ERBB4: variants seen among roughly 807,000 people sequenced by gnomAD.
ERBB4 encodes the protein erb-b2 receptor tyrosine kinase 4.
A neutral mutation model predicts 158.0 loss-of-function variants in ERBB4; 42 were observed. The observed-to-expected ratio is 0.27, with a 90% CI of 0.21 to 0.34. ERBB4 has a LOEUF of 0.34. Among genes scored for constraint, ERBB4 ranks in the 10% least tolerant of loss-of-function variants. The pLI is 1.00. For synonymous variants in ERBB4, 583 were observed against 558.7 expected (o/e 1.04, Z -0.61); for missense variants, 1,333 against 1,624.1 (o/e 0.82, Z 3.08).
intron 1 of ERBB4, among the ~76,000 whole-genome samples, chr2:212,229,450 A>G (rs1033424760): frequency 6.6e-6 from 1 of 152,206 alleles, no homozygotes; most frequent in African/African-American, 2.4e-5. Context: ...AGCCTGTTCC[A>G]TTTGAAACAC....
chr2:211,505,141 G>A (rs189540519), intron 20 of ERBB4, among the ~76,000 whole-genome samples: 4 of 152,136 alleles, frequency 2.6e-5, no homozygotes, highest in Admixed American at 6.5e-5. Flanking sequence ...TTACCAAGGT[G>A]TATAGTCATC....
chr2:212,138,431 T>C (rs1521656), intron 1 of ERBB4, among the ~76,000 whole-genome samples: 61,166 of 151,904 alleles, frequency 0.4, 15,041 homozygotes, highest in Non-Finnish European at 0.54. Context: ...TGGAGCAGTA[T>C]CAAGAGTCTG....
chr2:212,140,114 A>G (rs2080403169), intron 1 of ERBB4, among the ~76,000 whole-genome samples: 1 of 151,746 alleles, frequency 6.6e-6, no homozygotes, highest in African/African-American at 2.4e-5. Flanking sequence ...TATAAAATGT[A>G]TTAACTGTTT....
At position 211,830,935 on chromosome 2, in the gene ERBB4, C is replaced by A. The variant is rs1575211309; in HGVS notation, c.422-42776G>T. 2.0e-5 allele frequency among the ~76,000 whole-genome samples: 3 copies of A among 151,796 alleles called. No individual in the cohort carries two copies. The Middle Eastern group carries it at 0.01, about 516-fold the overall frequency. On this transcript the variant is annotated intron_variant, in intron 3 of 27. Coordinates refer to ENST00000342788, the MANE Select transcript of ERBB4 (RefSeq NM_005235.3). The stretch of plus-strand genomic sequence containing the variant: ...GGCATGAGAATCTAATACTGATGGT[C>A]ATATATTCTATAAAACTTAACATAT...
intron 22 of ERBB4, among the ~76,000 whole-genome samples, chr2:211,425,504 T>A (rs997940635): frequency 2.6e-5 from 4 of 152,024 alleles, no homozygotes; most frequent in Non-Finnish European, 4.4e-5. Context: ...TGTTATTACA[T>A]CTTTAATTTT....
intron 1 of ERBB4, among the ~76,000 whole-genome samples, chr2:212,252,423 T>C (rs1293008226): frequency 1.3e-5 from 2 of 152,036 alleles, no homozygotes; most frequent in Non-Finnish European, 2.9e-5. Flanking sequence ...ATGCTGCTGA[T>C]AGATCAACGA....
At chr2:211,587,062 C>A (rs2068303007) in intron 19 of ERBB4, among the ~76,000 whole-genome samples, 1 of 152,030 alleles carries the variant, frequency 6.6e-6, no homozygotes, top group African/African-American at 2.4e-5. Flanking sequence ...AGTGAGGAAC[C>A]ATCTGTAGGT....
At position 211,468,005 on chromosome 2, in the gene ERBB4, G is replaced by A. The variant is rs1367944293; in HGVS notation, c.2488-36905C>T. ...CAAATTTAAAGTGGCTGTTGACAGGGCCAGAAAAGGAGATGGAGATAAATA... is the reference window on the plus strand; with the variant it reads ...CAAATTTAAAGTGGCTGTTGACAGGACCAGAAAAGGAGATGGAGATAAATA... On this transcript the variant is annotated intron_variant, in intron 20 of 27. Coordinates refer to ENST00000342788, the MANE Select transcript of ERBB4 (RefSeq NM_005235.3). Among the ~76,000 whole-genome samples the A allele has an allele frequency of 2.0e-5, 3 of 152,144 alleles. No homozygotes were observed. The South Asian group carries it at 6.2e-4, about 32-fold the overall frequency.
At chr2:212,013,360 A>G (rs1287617288) in intron 2 of ERBB4, among the ~76,000 whole-genome samples, 1 of 152,222 alleles carries the variant, frequency 6.6e-6, no homozygotes, top group Non-Finnish European at 1.5e-5. Context: ...CCAGAAATAC[A>G]GACTTGAAAG....
intron 1 of ERBB4, among the ~76,000 whole-genome samples, chr2:212,140,359 A>G (rs1214890426): frequency 6.8e-6 from 1 of 147,934 alleles, no homozygotes. Context: ...GACATATAAT[A>G]TATATAGTAA....
chr2:212,348,175 A>C (rs1419947307), intron 1 of ERBB4, among the ~76,000 whole-genome samples: 1 of 152,158 alleles, frequency 6.6e-6, no homozygotes, highest in Non-Finnish European at 1.5e-5. Context: ...AACTGAGCTC[A>C]TACCCTCAAG....
At chr2:212,355,953 G>C (rs2089447913) in intron 1 of ERBB4, among the ~76,000 whole-genome samples, 2 of 151,896 alleles carry the variant, frequency 1.3e-5, no homozygotes, top group Admixed American at 6.6e-5. Context: ...AATTTGAAAT[G>C]TGCAGCTCAG....
chr2:212,399,313 G>T (rs1341633258), intron 1 of ERBB4, among the ~76,000 whole-genome samples: 1 of 151,806 alleles, frequency 6.6e-6, no homozygotes, highest in Non-Finnish European at 1.5e-5. Flanking sequence ...AGAAAGAAAT[G>T]ATATGAGGCA....
intron 1 of ERBB4, among the ~76,000 whole-genome samples, chr2:212,513,688 G>A (rs143703315): frequency 0.011 from 1,741 of 152,262 alleles, 15 homozygotes; most frequent in Middle Eastern, 0.041. Context: ...GCCAGCGCCT[G>A]TAGTCCCAGC....
At chr2:211,674,410 C>T (rs529060583) in intron 13 of ERBB4, among the ~76,000 whole-genome samples, 24 of 152,004 alleles carry the variant, frequency 1.6e-4, no homozygotes, top group African/African-American at 4.6e-4. Context: ...TCTTTTCTGC[C>T]GGTTAGTTTA....
chr2:212,156,116 G>C (rs1342754213), intron 1 of ERBB4, among the ~76,000 whole-genome samples: 1 of 152,078 alleles, frequency 6.6e-6, no homozygotes, highest in African/African-American at 2.4e-5. Context: ...TACTCATTCA[G>C]AGGGAGAAGG....
In ERBB4 at chr2:212,331,723, G is replaced by T. The variant is rs531582199; in HGVS notation, c.82+206726C>A. Among the ~76,000 whole-genome samples the T allele has an allele frequency of 3.3e-5, 5 of 152,090 alleles. No homozygotes were observed. The South Asian group carries it at 1.0e-3, about 32-fold the overall frequency. On this transcript the variant is annotated intron_variant, in intron 1 of 27. Transcript: ENST00000342788. ...AACCTTACTCTCTCAGAGAAGTACA[G>T]ATTTTAAATACAAATCTTCTTTTGT...
intron 3 of ERBB4, among the ~76,000 whole-genome samples, chr2:211,821,936 T>C (rs2105944404): frequency 6.6e-6 from 1 of 152,094 alleles, no homozygotes; most frequent in South Asian, 2.1e-4. Flanking sequence ...CTTCAAGACA[T>C]TGTTTTGGGA....
At chr2:211,773,511 T>C (rs2075767834) in intron 4 of ERBB4, among the ~76,000 whole-genome samples, 1 of 146,154 alleles carries the variant, frequency 6.8e-6, no homozygotes. Context: ...TAATCTTCTG[T>C]TCTACCACCT....
Sources: gnomAD v4.1 joint callset for allele counts (sites outside exome capture counted in the v4.1 genomes callset) on GRCh38, gnomAD v4.1.1 for gene constraint, MANE v1.5 for transcripts, NCBI Gene and HGNC (gene_info 2026-07-23, HGNC 2026-07-21) for gene names.